HOMER1: variants seen among roughly 807,000 people sequenced by gnomAD.
The protein encoded by HOMER1 is homer scaffold protein 1.
A neutral mutation model predicts 48.9 loss-of-function variants in HOMER1; 3 were observed. That is an observed-to-expected ratio of 0.06 (90% CI 0.03 to 0.16). The LOEUF (loss-of-function observed/expected upper bound fraction) is 0.16, where lower values mean the gene tolerates loss of function less well. Ranked by LOEUF, HOMER1 falls within the 10% of genes least tolerant of loss-of-function variation. The probability of loss-of-function intolerance (pLI) is 1.00; values close to 1 mark genes in which losing one functional copy is unlikely to be tolerated. For synonymous variants in HOMER1, 134 were observed against 146.4 expected (o/e 0.92, Z 0.61); for missense variants, 247 against 411.4 (o/e 0.60, Z 3.46).
intron 5 of HOMER1, among the ~76,000 whole-genome samples, chr5:79,420,594 A>G (rs542951197): frequency 3.3e-5 from 5 of 152,310 alleles, no homozygotes; most frequent in Non-Finnish European, 7.3e-5. Flanking sequence ...TTTAAACACT[A>G]TAAGAACAGA....
At chr5:79,386,375 T>C (rs1183072956) in intron 8 of HOMER1, among the ~76,000 whole-genome samples, 1 of 152,148 alleles carries the variant, frequency 6.6e-6, no homozygotes, top group African/African-American at 2.4e-5. Flanking sequence ...GAAAGACAAA[T>C]ACTGAATCTT....
chr5:79,496,089 G>A (rs376517788), intron 1 of HOMER1, among the ~76,000 whole-genome samples: 18 of 152,296 alleles, frequency 1.2e-4, no homozygotes, highest in Middle Eastern at 3.4e-3. Flanking sequence ...AATGGTGCCT[G>A]GTTTGACAAA....
chr5:79,484,776 G>A (rs1752049623), intron 1 of HOMER1, among the ~76,000 whole-genome samples: 2 of 152,046 alleles, frequency 1.3e-5, no homozygotes, highest in South Asian at 4.2e-4. Context: ...ATGAAGGCAG[G>A]GGCCATGTGC....
At chr5:79,496,624 G>A (rs185790962) in intron 1 of HOMER1, among the ~76,000 whole-genome samples, 1 of 152,106 alleles carries the variant, frequency 6.6e-6, no homozygotes, top group Non-Finnish European at 1.5e-5. Flanking sequence ...CCAGTGACAG[G>A]CCTCACTGAT....
intron 1 of HOMER1, among the ~76,000 whole-genome samples, chr5:79,457,256 A>T (rs1751199950): frequency 6.6e-6 from 1 of 152,174 alleles, no homozygotes; most frequent in Non-Finnish European, 1.5e-5. Flanking sequence ...TACTCACTAA[A>T]ATTTATCTGT....
chr5:79,492,928 T>G (rs2112361094), intron 1 of HOMER1, among the ~76,000 whole-genome samples: 1 of 145,794 alleles, frequency 6.9e-6, no homozygotes, highest in East Asian at 2.0e-4. Flanking sequence ...TTTTTTTTTT[T>G]TTTTTTTAAA....
At chr5:79,431,056 C>T (rs1388947335) in intron 5 of HOMER1, among the ~76,000 whole-genome samples, 1 of 152,130 alleles carries the variant, frequency 6.6e-6, no homozygotes, top group African/African-American at 2.4e-5. Flanking sequence ...GCTGGCCTGG[C>T]GCAGTGGCTC....
chr5:79,496,306 G>T (rs2112365674), intron 1 of HOMER1, among the ~76,000 whole-genome samples: 1 of 152,292 alleles, frequency 6.6e-6, no homozygotes, highest in East Asian at 1.9e-4. Flanking sequence ...GCAGAAGACA[G>T]GAGTGGGGCC....
intron 1 of HOMER1, among the ~76,000 whole-genome samples, chr5:79,481,619 G>C (rs1241453912): frequency 6.6e-6 from 1 of 152,184 alleles, no homozygotes; most frequent in East Asian, 1.9e-4. Flanking sequence ...GCTAAGTAGT[G>C]ATCAGTACAT....
In HOMER1 at chr5:79,387,075, A is replaced by ATC. The variant is rs111457551; in HGVS notation, c.876+9746_876+9747dup. ...TCCTTCCTCTTTCCTTTCTTTCTCT[A>ATC]TCTCTCTCTCTCTCTCTCTCTCTCT... On this transcript the variant is annotated intron_variant, in intron 8 of 8. Coordinates refer to ENST00000334082, the MANE Select transcript of HOMER1 (RefSeq NM_004272.5). Among the ~76,000 whole-genome samples the ATC allele has an allele frequency of 6.9e-3, 782 of 113,704 alleles. 7 individuals are homozygous for ATC. Among genetic ancestry groups the ATC allele is most frequent in the South Asian group, 0.019 (66 of 3,444 alleles). The allele number at this position is 113,704 out of a possible 152,430, so 74.6% of individuals were successfully genotyped here. A position where few individuals can be genotyped will look rare whatever the true frequency, so the allele number is the denominator to read the frequency against.
chr5:79,434,610 T>C (rs903338935), intron 5 of HOMER1, among the ~76,000 whole-genome samples: 2 of 151,998 alleles, frequency 1.3e-5, no homozygotes, highest in Non-Finnish European at 2.9e-5. Flanking sequence ...TAATAACATT[T>C]CCCCCCAAAA....
chr5:79,480,342 A>C (rs1480801733), intron 1 of HOMER1, among the ~76,000 whole-genome samples: 1 of 152,134 alleles, frequency 6.6e-6, no homozygotes, highest in Non-Finnish European at 1.5e-5. Context: ...TAAGATATAA[A>C]AGTAGATTTA....
intron 1 of HOMER1, among the ~76,000 whole-genome samples, chr5:79,504,153 ATT>A (rs985244755): frequency 2.0e-5 from 3 of 149,578 alleles, no homozygotes; most frequent in African/African-American, 7.3e-5. Context: ...GAGATCTAGA[ATT>A]TTTTTTTTTA....
At chr5:79,469,128 A>G (rs1319482754) in intron 1 of HOMER1, among the ~76,000 whole-genome samples, 1 of 152,158 alleles carries the variant, frequency 6.6e-6, no homozygotes, top group Admixed American at 6.5e-5. Context: ...TTTCCATACC[A>G]AAGTGTTTCT....
chr5:79,416,940 T>C (rs556003780), intron 5 of HOMER1, among the ~76,000 whole-genome samples: 5 of 152,258 alleles, frequency 3.3e-5, no homozygotes, highest in Middle Eastern at 3.4e-3. Context: ...ACGTAAATCA[T>C]AGTTTCCCTA....
At chr5:79,479,035 C>T (rs773073741) in intron 1 of HOMER1, among the ~76,000 whole-genome samples, 25 of 152,262 alleles carry the variant, frequency 1.6e-4, no homozygotes, top group Middle Eastern at 6.8e-3. Flanking sequence ...TTGAAAATGA[C>T]GCAAGTTTTA....
chr5:79,504,281 A>C (rs12514402), intron 1 of HOMER1, among the ~76,000 whole-genome samples: 9,115 of 152,206 alleles, frequency 0.06, 381 homozygotes, highest in East Asian at 0.1. Context: ...AGGAATCCTC[A>C]ATCTGTAAAC....
At chr5:79,473,759 C>T (rs1751683708) in intron 1 of HOMER1, among the ~76,000 whole-genome samples, 1 of 152,100 alleles carries the variant, frequency 6.6e-6, no homozygotes, top group African/African-American at 2.4e-5. Flanking sequence ...GTACTACAAA[C>T]AACAGCATGA....
chr5:79,383,122 T>C (rs1186721899), intron 8 of HOMER1, among the ~76,000 whole-genome samples: 1 of 152,084 alleles, frequency 6.6e-6, no homozygotes, highest in East Asian at 1.9e-4. Flanking sequence ...CCAAAAACAG[T>C]AGAAAACATG....
Sources: allele counts gnomAD v4.1 joint callset (sites outside exome capture counted in the v4.1 genomes callset), GRCh38; gene constraint gnomAD v4.1.1; transcripts MANE v1.5; gene names NCBI Gene and HGNC (gene_info 2026-07-23, HGNC 2026-07-21).